ZNF75A: variants seen among roughly 807,000 people sequenced by gnomAD.
ZNF75A encodes the protein zinc finger protein 75A.
Under a neutral mutation model 46.3 loss-of-function variants are expected in ZNF75A, and 36 were observed. That is an observed-to-expected ratio of 0.78 (90% CI 0.60 to 1.03). The LOEUF (loss-of-function observed/expected upper bound fraction) is 1.03. ZNF75A is among the 50% of genes least tolerant of loss of function. The pLI, the probability that ZNF75A is intolerant of heterozygous loss-of-function variation, is 0.00. For missense variants in ZNF75A, 595 were observed against 551.3 expected (o/e 1.08, Z -0.79); for synonymous variants, 234 against 189.9 (o/e 1.23, Z -1.91).
At chr16:3,309,739 G>C (rs1444038465) in intron 2 of ZNF75A, among the ~76,000 whole-genome samples, 1 of 147,388 alleles carries the variant, frequency 6.8e-6, no homozygotes, top group East Asian at 2.0e-4. Flanking sequence ...GGGTGACAGA[G>C]TGAGAACCTG....
At chr16:3,305,740 C>T (rs1390997410) in intron 1 of ZNF75A, 97 bp downstream of exon 1, 3 of 152,282 alleles carry the variant, frequency 2.0e-5, no homozygotes, top group Non-Finnish European at 2.9e-5. Flanking sequence ...GCGGTGGCCG[C>T]GGCGCTTCCG....
At chr16:3,317,164 A>G in intron 6 of ZNF75A, 26 bp from the exon 7 acceptor site, 2 of 1,581,112 alleles carry the variant, frequency 1.3e-6, no homozygotes, top group South Asian at 1.2e-5. Flanking sequence ...TGGGATACAG[A>G]TGTGTGATTA....
intron 2 of ZNF75A, chr16:3,310,780 A>G (rs1960710289): frequency 2.0e-6 from 2 of 985,492 alleles, no homozygotes; most frequent in Non-Finnish European, 2.4e-6. Context: ...TCCTCCCTAT[A>G]GTAGATGAAA....
downstream of ZNF75A, chr16:3,323,129 C>T (rs2030007484): frequency 1.9e-6 from 1 of 525,816 alleles, no homozygotes. Flanking sequence ...CTCAAAAAAA[C>T]AAAAACACAT....
downstream of ZNF75A, among the ~76,000 whole-genome samples, chr16:3,320,672 A>C (rs1961493062): frequency 6.6e-6 from 1 of 152,204 alleles, no homozygotes; most frequent in African/African-American, 2.4e-5. Context: ...CTCATGCACA[A>C]AACAGGCATT....
chr16:3,317,627 T>C lies in ZNF75A; in HGVS notation c.1372T>C (p.Tyr458His). The change falls in exon 7 of 7, where the codon TAT (tyrosine) becomes CAT (histidine). Residue 458 changes from tyrosine to histidine, a missense_variant. By Grantham distance (83) the Tyr-to-His change is moderately conservative (BLOSUM62 2). Coordinates refer to ENST00000669516, the MANE Select transcript of ZNF75A (RefSeq NM_001302109.2). ...HLTTHQGIKP[Y>H]KCSWCGKSFS... Reference sequence around the variant, plus strand: ...AACAACACACCAAGGAATAAAACCATATAAATGTTCATGGTGTGGGAAAAG... The same window carrying C: ...AACAACACACCAAGGAATAAAACCACATAAATGTTCATGGTGTGGGAAAAG... 1 of 1,614,088 alleles carries C rather than the reference T, an allele frequency of 6.2e-7. No homozygotes were observed. The highest frequency in any genetic ancestry group is 8.5e-7 in the Non-Finnish European group (1 of 1,180,026).
chr16:3,319,399 G>T (rs1567275535), downstream of ZNF75A, among the ~76,000 whole-genome samples: 1 of 152,174 alleles, frequency 6.6e-6, no homozygotes, highest in African/African-American at 2.4e-5. Context: ...ACATGCATGA[G>T]CCACTGTGCC....
chr16:3,318,719 A>G lies in ZNF75A; in HGVS notation c.*850A>G, dbSNP rs1287722104. ...TAATTGGCTTTTCTTTGTTGTTAAG[A>G]ATGAGAGACTTAATTTCCATGGGAG... On this transcript the variant is annotated 3_prime_UTR_variant, in exon 7 of 7. Coordinates refer to ENST00000669516, the MANE Select transcript of ZNF75A (RefSeq NM_001302109.2). 13 of 985,274 alleles carry G rather than the reference A, an allele frequency of 1.3e-5. No individual in the cohort carries two copies. Among genetic ancestry groups the G allele is most frequent in the Admixed American group, 6.2e-5 (1 of 16,256 alleles). 61.0% of individuals were successfully genotyped at this position (985,274 alleles called of 1,614,324 possible).
intron 2 of ZNF75A, chr16:3,310,891 G>C (rs1488540573): frequency 3.5e-5 from 34 of 985,322 alleles, no homozygotes; most frequent in Non-Finnish European, 4.1e-5. Context: ...CTGACCTCGG[G>C]TCTGCTGGGA....
chr16:3,311,206 G>C (rs1341422666), intron 2 of ZNF75A, among the ~76,000 whole-genome samples: 1 of 149,418 alleles, frequency 6.7e-6, no homozygotes, highest in Non-Finnish European at 1.5e-5. Context: ...GGGAGGCTGA[G>C]GTGGGCAGAT....
chr16:3,320,902 T>C (rs1373564539), downstream of ZNF75A, among the ~76,000 whole-genome samples: 2 of 152,144 alleles, frequency 1.3e-5, no homozygotes, highest in Non-Finnish European at 1.5e-5. Context: ...GACGGACAAC[T>C]GGGGAGAAAC....
At chr16:3,320,852 G>A (rs905152199), downstream of ZNF75A, among the ~76,000 whole-genome samples, 2 of 152,238 alleles carry the variant, frequency 1.3e-5, no homozygotes, top group African/African-American at 4.8e-5. Context: ...GTCCAGATCA[G>A]TGTAGACAGT....
In ZNF75A at chr16:3,317,288, G is replaced by C; in HGVS notation, c.1033G>C (p.Val345Leu). 6.2e-7 allele frequency: 1 copy of C among 1,613,970 alleles called. No individual in the cohort carries two copies. The highest frequency in any genetic ancestry group is 8.5e-7 in the Non-Finnish European group (1 of 1,180,012). ...SAGVISKKAK[V>L]KVPQKTAGKE... ...AGGCGTCATATCAAAAAAGGCCAAA[G>C]TAAAAGTTCCCCAGAAAACAGCAGG... The change falls in exon 7 of 7, where the codon GTA becomes CTA. Residue 345 changes from valine (V) to leucine (L), a missense_variant. By Grantham distance (32) the Val-to-Leu change is conservative (BLOSUM62 1). Transcript: ENST00000669516.
chr16:3,311,040 T>C (rs1051724819), intron 2 of ZNF75A: 1 of 723,002 alleles, frequency 1.4e-6, no homozygotes, highest in African/African-American at 1.9e-5. Context: ...ACAGGAAAAC[T>C]TTTAAATTCA....
At chr16:3,323,250 T>C (rs1321199928), downstream of ZNF75A, 4 of 789,342 alleles carry the variant, frequency 5.1e-6, no homozygotes, top group East Asian at 7.4e-5. Context: ...GCCCATCTCC[T>C]TGAGGAAGCC....
At chr16:3,306,349 CT>C (rs1312851986) in intron 1 of ZNF75A, 1 of 152,024 alleles carries the variant, frequency 6.6e-6, no homozygotes, top group Admixed American at 6.5e-5. Flanking sequence ...ATAAAATATC[CT>C]TTTTTACAAG....
chr16:3,306,829 T>C (rs1430172472), intron 1 of ZNF75A: 2 of 152,208 alleles, frequency 1.3e-5, no homozygotes, highest in African/African-American at 2.4e-5. Flanking sequence ...AGGCTACTTT[T>C]TTACTTTCTG....
chr16:3,315,274 C>A, intron 5 of ZNF75A: 1 of 183,174 alleles, frequency 5.5e-6, no homozygotes, highest in Non-Finnish European at 1.0e-5. Context: ...TCAGTGCAAG[C>A]TCTGCCTCCC....
intron 5 of ZNF75A, among the ~76,000 whole-genome samples, chr16:3,314,379 T>C (rs1034116694): frequency 6.6e-6 from 1 of 152,198 alleles, no homozygotes; most frequent in Admixed American, 6.5e-5. Flanking sequence ...GCACCTGAGC[T>C]CCTCTTGCCT....
Sources: gnomAD v4.1 joint callset for allele counts (sites outside exome capture counted in the v4.1 genomes callset) on GRCh38, gnomAD v4.1.1 for gene constraint, MANE v1.5 for transcripts, NCBI Gene and HGNC (gene_info 2026-07-23, HGNC 2026-07-21) for gene names.